SAMD12: variants seen among roughly 807,000 people sequenced by gnomAD.
The protein encoded by SAMD12 is sterile alpha motif domain containing 12, also known as sterile alpha motif domain-containing protein 12.
In SAMD12, 9 loss-of-function variants were observed where a neutral mutation model predicts 15.0. The ratio of observed to expected loss-of-function variants is 0.60; its 90% CI spans 0.36 to 1.05. The LOEUF (loss-of-function observed/expected upper bound fraction) is 1.05. Among genes scored for constraint, SAMD12 ranks in the 50% least tolerant of loss-of-function variants. The pLI is 0.01. For synonymous variants in SAMD12, 86 were observed against 90.1 expected, an observed-to-expected ratio of 0.96 and a Z score of 0.25; for missense variants, 230 against 234.2, an observed-to-expected ratio of 0.98 and a Z score of 0.12.
intron 3 of SAMD12, among the ~76,000 whole-genome samples, chr8:118,423,504 C>G (rs1822106269): frequency 6.6e-6 from 1 of 152,186 alleles, no homozygotes; most frequent in Non-Finnish European, 1.5e-5. Flanking sequence ...TTCTACACAG[C>G]ATCAATCCAG....
chr8:118,292,349 G>GACACACAGACACACACACACACACACAC (rs111807707), intron 4 of SAMD12, among the ~76,000 whole-genome samples: 1 of 137,624 alleles, frequency 7.3e-6, no homozygotes, highest in African/African-American at 2.8e-5. Context: ...CAAACACACA[G>GACACACAGACACACACACACACACACAC]ACACACACAC....
intron 2 of SAMD12, among the ~76,000 whole-genome samples, chr8:118,529,455 A>G (rs1825624752): frequency 6.6e-6 from 1 of 152,206 alleles, no homozygotes; most frequent in Non-Finnish European, 1.5e-5. Context: ...GATATATTGC[A>G]TAGTGGTGAA....
chr8:118,548,055 G>A (rs1016479337), intron 2 of SAMD12, among the ~76,000 whole-genome samples: 1 of 152,052 alleles, frequency 6.6e-6, no homozygotes, highest in African/African-American at 2.4e-5. Flanking sequence ...CACAGCCCAG[G>A]AGGACCTTAT....
rs141108945 is a variant in SAMD12 at position 118,278,734 on chromosome 8, C to T, written c.434-81002G>A. On this transcript the variant is annotated intron_variant, in intron 4 of 4. Transcript: ENST00000409003. ...GTTTGCATGACTAAAATTAAAGGGT[C>T]AGTAAACAAACATGCAAAACTAAGT... Among the ~76,000 whole-genome samples, 988 of 152,240 alleles carry T rather than the reference C, an allele frequency of 6.5e-3. 12 individuals carry two copies. The highest frequency in any genetic ancestry group is 0.023 in the African/African-American group (938 of 41,536).
intron 3 of SAMD12, among the ~76,000 whole-genome samples, chr8:118,401,138 C>T (rs746234249): frequency 2.6e-5 from 4 of 152,132 alleles, no homozygotes; most frequent in Admixed American, 6.5e-5. Flanking sequence ...TTTCCAGTGC[C>T]AAATCATCCC....
At chr8:118,611,347 GA>G (rs1186977809) in intron 1 of SAMD12, among the ~76,000 whole-genome samples, 3 of 152,074 alleles carry the variant, frequency 2.0e-5, no homozygotes, top group African/African-American at 4.8e-5. Flanking sequence ...TTAGAAAGCA[GA>G]AAAAAATGAA....
intron 4 of SAMD12, among the ~76,000 whole-genome samples, chr8:118,298,729 C>T (rs575553102): frequency 6.6e-6 from 1 of 152,234 alleles, no homozygotes. Flanking sequence ...TTGCAAGCAA[C>T]ACTTGCTTGA....
the SAMD12 span, among the ~76,000 whole-genome samples, chr8:118,161,146 G>T: frequency 6.6e-6 from 1 of 152,144 alleles, no homozygotes; most frequent in Non-Finnish European, 1.5e-5. Flanking sequence ...TGGCTGCATA[G>T]TATTCCATGG....
At chr8:118,248,624 T>C (rs1812750283) in intron 4 of SAMD12, among the ~76,000 whole-genome samples, 1 of 134,290 alleles carries the variant, frequency 7.4e-6, no homozygotes, top group East Asian at 3.1e-4. Flanking sequence ...GATTACTGAA[T>C]AGATGACTTT....
chr8:118,336,081 G>T (rs1586553502), intron 4 of SAMD12, among the ~76,000 whole-genome samples: 1 of 152,254 alleles, frequency 6.6e-6, no homozygotes, highest in African/African-American at 2.4e-5. Flanking sequence ...TTACTTCCAT[G>T]CTACAAATTA....
At chr8:118,142,225 T>C in the SAMD12 span, among the ~76,000 whole-genome samples, 2 of 152,220 alleles carry the variant, frequency 1.3e-5, no homozygotes, top group African/African-American at 2.4e-5. Context: ...AGACTCTCAC[T>C]ATTCAACAAT....
At chr8:118,575,997 T>C (rs1400288152) in intron 2 of SAMD12, among the ~76,000 whole-genome samples, 1 of 152,150 alleles carries the variant, frequency 6.6e-6, no homozygotes, top group Non-Finnish European at 1.5e-5. Flanking sequence ...TTCGACTTTT[T>C]TTTTTTAAAT....
chr8:118,407,128 A>C (rs1227094670), intron 3 of SAMD12, among the ~76,000 whole-genome samples: 1 of 152,150 alleles, frequency 6.6e-6, no homozygotes, highest in Non-Finnish European at 1.5e-5. Context: ...CAACAAAACC[A>C]TGGGTGTACA....
intron 4 of SAMD12, among the ~76,000 whole-genome samples, chr8:118,340,186 C>A (rs982319767): frequency 6.6e-6 from 1 of 152,146 alleles, no homozygotes; most frequent in African/African-American, 2.4e-5. Flanking sequence ...TTAAAAGATA[C>A]ACAAATATAC....
intron 2 of SAMD12, among the ~76,000 whole-genome samples, chr8:118,506,863 G>A (rs988924249): frequency 1.3e-5 from 2 of 151,242 alleles, no homozygotes; most frequent in African/African-American, 2.4e-5. Flanking sequence ...AGCTGATCAG[G>A]AACCTTCAAC....
rs193173882 is a variant in SAMD12, at chr8:118,444,274, T to G, written c.193-4313A>C. 2.1e-4 allele frequency among the ~76,000 whole-genome samples: 32 copies of G among 152,316 alleles called. No homozygotes were observed. In the East Asian group the frequency reaches 4.4e-3, roughly 21 times the overall value. On this transcript the variant is annotated intron_variant, in intron 2 of 3. Coordinates refer to ENST00000314727, the MANE Select transcript of SAMD12 (RefSeq NM_207506.3). ...AATGTTCATGTCTACCACATCATTC[T>G]CTGAATTTACAACCCTGGAGACAAT...
In SAMD12 at chr8:118,581,053, C is replaced by T. The variant is rs371161920; in HGVS notation, c.14-160G>A. Among the ~76,000 whole-genome samples the T allele has an allele frequency of 7.9e-5, 12 of 152,084 alleles. No individual in the cohort carries two copies. In the East Asian group the frequency reaches 1.4e-3, roughly 17 times the overall value. ...TAAATAATATGGTGAGGAGGGAGCA[C>T]GGTATAGTGGGAAACCTTGAGCTTG... On this transcript the variant is annotated intron_variant, in intron 1 of 3. Coordinates refer to ENST00000314727, the MANE Select transcript of SAMD12 (RefSeq NM_207506.3).
intron 2 of SAMD12, among the ~76,000 whole-genome samples, chr8:118,513,506 A>G (rs758765494): frequency 6.6e-5 from 10 of 152,230 alleles, no homozygotes; most frequent in Non-Finnish European, 1.3e-4. Context: ...AACAAACCAT[A>G]AAATATGTAC....
intron 4 of SAMD12, among the ~76,000 whole-genome samples, chr8:118,320,050 A>C (rs1010490110): frequency 1.5e-4 from 23 of 152,312 alleles, no homozygotes; most frequent in Middle Eastern, 3.4e-3. Context: ...AAGAAACTGC[A>C]GAGTAGGTAA....
Sources: allele counts gnomAD v4.1 joint callset (sites outside exome capture counted in the v4.1 genomes callset), GRCh38; gene constraint gnomAD v4.1.1; transcripts MANE v1.5; gene names NCBI Gene and HGNC (gene_info 2026-07-23, HGNC 2026-07-21).